ADAM19: variants seen among roughly 807,000 people sequenced by gnomAD.
ADAM19 encodes the protein disintegrin and metalloproteinase domain-containing protein 19.
ADAM19 carries 65 observed loss-of-function variants against 114.7 expected under a neutral mutation model. That is an observed-to-expected ratio of 0.57 (90% CI 0.46 to 0.70). The LOEUF (loss-of-function observed/expected upper bound fraction) is 0.70, where lower values mean the gene tolerates loss of function less well. Among genes scored for constraint, ADAM19 ranks in the 30% least tolerant of loss-of-function variants. The pLI is 0.00. For synonymous variants in ADAM19, 466 were observed against 460.5 expected, an observed-to-expected ratio of 1.01 and a Z score of -0.15; for missense variants, 1,063 against 1,204.7, an observed-to-expected ratio of 0.88 and a Z score of 1.74.
chr5:157,490,502 A>G (rs1292530262), intron 18 of ADAM19, 48 bp from the exon 19 acceptor site: 6 of 1,596,598 alleles, frequency 3.8e-6, no homozygotes, highest in Non-Finnish European at 5.1e-6. Context: ...TGTCTCGGCT[A>G]CAGCAGATTT....
At chr5:157,559,754 T>C (rs963350251) in intron 3 of ADAM19, among the ~76,000 whole-genome samples, 1 of 152,210 alleles carries the variant, frequency 6.6e-6, no homozygotes, top group Non-Finnish European at 1.5e-5. Flanking sequence ...CAGCAGTCTA[T>C]AATTTCTGCT....
intron 9 of ADAM19, among the ~76,000 whole-genome samples, chr5:157,508,900 C>T (rs7729274): frequency 0.42 from 63,689 of 152,064 alleles, 14,458 homozygotes; most frequent in African/African-American, 0.6. Context: ...ACAAGGAGCC[C>T]GCTCTCCTGT....
At chr5:157,490,546 T>C (rs1019589332) in intron 18 of ADAM19, 92 bp from the exon 19 acceptor site, 8 of 1,414,994 alleles carry the variant, frequency 5.7e-6, no homozygotes, top group Middle Eastern at 2.6e-4. Flanking sequence ...CTTCAGGCAT[T>C]TGATTTGCAT....
intron 1 of ADAM19, among the ~76,000 whole-genome samples, chr5:157,574,562 G>A (rs1286034438): frequency 6.6e-6 from 1 of 152,166 alleles, no homozygotes; most frequent in African/African-American, 2.4e-5. Context: ...TCGCTCCGCC[G>A]GTGCTCGCTC....
intron 3 of ADAM19, among the ~76,000 whole-genome samples, chr5:157,544,584 TGACTTCTTGAGATCA>T (rs1473866971): frequency 1.3e-5 from 2 of 152,206 alleles, no homozygotes; most frequent in African/African-American, 2.4e-5. Context: ...CAAATAGAGC[TGACTTCTTGAGATCA>T]GACAACTTAA....
chr5:157,561,926 T>TA (rs771902380), intron 3 of ADAM19, among the ~76,000 whole-genome samples: 2,541 of 141,232 alleles, frequency 0.018, 47 homozygotes, highest in African/African-American at 0.052. Context: ...GCACGTAGAT[T>TA]AAAAAAAAAA....
rs746170380 is a variant in ADAM19, at chr5:157,491,624, G to T, written c.2086C>A (p.Pro696Thr). 18 of 1,519,734 alleles carry T rather than the reference G, an allele frequency of 1.2e-5. No homozygotes were observed. The highest frequency in any genetic ancestry group is 1.6e-5 in the Non-Finnish European group (18 of 1,132,872). The allele number at this position is 1,519,734 out of a possible 1,614,324, so 94.1% of individuals were successfully genotyped here. ...HGGSIDSGPM[P>T]PESVGPVVAG... The stretch of plus-strand genomic sequence containing the variant: ...GCAGGCTGGCACTCACTCTCAGGGG[G>T]CATAGGCCCACTGTCGATACTGCCC... The change falls in exon 18 of 23, where the codon CCC becomes ACC. Residue 696 changes from proline (P) to threonine (T), a missense_variant. Pro to Thr is a conservative substitution (Grantham distance 38). Coordinates refer to ENST00000257527, the MANE Select transcript of ADAM19 (RefSeq NM_033274.5).
Position 157,479,435 on chromosome 5 carries a change from G to T in ADAM19, c.*1514C>A. 8 of 986,012 alleles carry T rather than the reference G, an allele frequency of 8.1e-6. No homozygotes were observed. The highest frequency in any genetic ancestry group is 9.6e-6 in the Non-Finnish European group (8 of 830,080). The allele number at this position is 986,012 out of a possible 1,614,324, so 61.1% of individuals were successfully genotyped here. A position where few individuals can be genotyped will look rare whatever the true frequency, so the allele number is the denominator to read the frequency against. On this transcript the variant is annotated 3_prime_UTR_variant, in exon 23 of 23. Transcript: ENST00000257527. ...CCAGGAAAGCCTCAGAGGAGTGAGA[G>T]TCAGGCCAGCTCCTGTCCGGAGAGC...
intron 5 of ADAM19, among the ~76,000 whole-genome samples, chr5:157,523,823 G>C (rs935551566): frequency 3.9e-5 from 6 of 152,184 alleles, no homozygotes; most frequent in African/African-American, 7.2e-5. Context: ...CCACACTCAG[G>C]AACTTTGGCC....
intron 7 of ADAM19, among the ~76,000 whole-genome samples, chr5:157,514,672 C>T (rs980030665): frequency 3.3e-5 from 5 of 151,858 alleles, no homozygotes; most frequent in African/African-American, 1.2e-4. Context: ...AGCTGTGTTC[C>T]ATTAGAAATA....
chr5:157,507,157 G>C lies in ADAM19; in HGVS notation c.906-17C>G. 5 of 1,613,008 alleles carry C rather than the reference G, an allele frequency of 3.1e-6. No individual in the cohort carries two copies. Among genetic ancestry groups the C allele is most frequent in the Non-Finnish European group, 4.2e-6 (5 of 1,179,202 alleles). On this transcript the variant is annotated splice_polypyrimidine_tract_variant and intron_variant, in intron 9 of 22. Transcript: ENST00000257527. ...GACATGCCCCTGCAGGAGGCAAGGA[G>C]AGACGGTGACCGGGGACGAGACTAA...
intron 1 of ADAM19, among the ~76,000 whole-genome samples, chr5:157,573,906 T>C (rs1481987636): frequency 2.0e-5 from 3 of 152,244 alleles, no homozygotes; most frequent in Non-Finnish European, 4.4e-5. Context: ...CCCTTTCTAA[T>C]GCTCCCTGAA....
At chr5:157,503,031 C>G (rs1379737856) in intron 11 of ADAM19, 51 bp from the exon 12 acceptor site, 1 of 1,564,326 alleles carries the variant, frequency 6.4e-7, no homozygotes, top group South Asian at 1.2e-5. Flanking sequence ...ATCTAGCAGT[C>G]AGGCAGGTGT....
At chr5:157,504,558 T>C (rs1467826881) in intron 11 of ADAM19, among the ~76,000 whole-genome samples, 1 of 151,496 alleles carries the variant, frequency 6.6e-6, no homozygotes, top group African/African-American at 2.4e-5. Context: ...GCCAACATCA[T>C]CCTTTCCATG....
intron 7 of ADAM19, among the ~76,000 whole-genome samples, chr5:157,514,282 A>G (rs1018309670): frequency 1.3e-5 from 2 of 152,094 alleles, no homozygotes; most frequent in African/African-American, 4.8e-5. Flanking sequence ...CTACAGTGAG[A>G]AGAATGAGAA....
chr5:157,564,041 C>T (rs370783686), intron 3 of ADAM19, among the ~76,000 whole-genome samples: 3 of 152,192 alleles, frequency 2.0e-5, no homozygotes, highest in Non-Finnish European at 2.9e-5. Flanking sequence ...ACTAGGCTGG[C>T]GCTAGTAAGG....
In ADAM19 at chr5:157,487,431, G is replaced by T. The variant is rs1313355978; in HGVS notation, c.2550+834C>A. 2.0e-5 allele frequency among the ~76,000 whole-genome samples: 3 copies of T among 152,162 alleles called. No individual in the cohort carries two copies. The East Asian group carries it at 5.8e-4, about 29-fold the overall frequency. On this transcript the variant is annotated intron_variant, in intron 21 of 22. Coordinates refer to ENST00000257527, the MANE Select transcript of ADAM19 (RefSeq NM_033274.5). Reference sequence around the variant, plus strand: ...GAGTCCTTAGGGTCAGAGACAGCTTGGGTTCCATGGAGCCCTCTGGATTAC... The same window carrying T: ...GAGTCCTTAGGGTCAGAGACAGCTTTGGTTCCATGGAGCCCTCTGGATTAC...
At position 157,502,986 on chromosome 5, in the gene ADAM19, A is replaced by G. The variant is rs200780073; in HGVS notation, c.1131-6T>C. 121 of 1,613,104 alleles carry G rather than the reference A, an allele frequency of 7.5e-5. 1 individual carries two copies. The highest frequency in any genetic ancestry group is 5.0e-5 in the Admixed American group (3 of 59,980). ...ACACTTTGGGAAAGGGGTGCCTGGC[A>G]GAGGACAAGGCTGGAATTAGTGGGG... On this transcript the variant is annotated splice_polypyrimidine_tract_variant and splice_region_variant and intron_variant, in intron 11 of 22. Transcript: ENST00000257527.
chr5:157,574,740 A>T (rs1192697782), intron 1 of ADAM19, among the ~76,000 whole-genome samples: 1 of 152,110 alleles, frequency 6.6e-6, no homozygotes, highest in Non-Finnish European at 1.5e-5. Flanking sequence ...CCCCCGAGGG[A>T]TGGAGCCGGG....
Sources: allele counts gnomAD v4.1 joint callset (sites outside exome capture counted in the v4.1 genomes callset), GRCh38; gene constraint gnomAD v4.1.1; transcripts MANE v1.5; gene names NCBI Gene and HGNC (gene_info 2026-07-23, HGNC 2026-07-21).